The following PRKN variants were observed in gnomAD, a reference collection of about 807,000 sequenced individuals.
PRKN encodes E3 ubiquitin-protein ligase parkin.
Under a neutral mutation model 59.5 loss-of-function variants are expected in PRKN, and 56 were observed. That is an observed-to-expected ratio of 0.94 (90% CI 0.76 to 1.18). The LOEUF is 1.18. PRKN is among the 50% of genes most tolerant of loss of function. The pLI, the probability that PRKN is intolerant of heterozygous loss-of-function variation, is 0.00. For synonymous variants in PRKN, 250 were observed against 222.1 expected, an observed-to-expected ratio of 1.13 and a Z score of -1.12; for missense variants, 657 against 596.4, an observed-to-expected ratio of 1.10 and a Z score of -1.06.
At chr6:162,444,976 G>T (rs1477992783) in intron 1 of PRKN, among the ~76,000 whole-genome samples, 3 of 152,108 alleles carry the variant, frequency 2.0e-5, no homozygotes, top group African/African-American at 7.2e-5. Flanking sequence ...AGCTGTTTTT[G>T]ATATACATTT....
At chr6:161,574,283 A>C (rs566232144) in intron 7 of PRKN, among the ~76,000 whole-genome samples, 7 of 152,280 alleles carry the variant, frequency 4.6e-5, no homozygotes, top group Admixed American at 1.3e-4. Context: ...GTAGGGAGAC[A>C]GGAAAACGTT....
rs1179603234 is a variant in PRKN, at chr6:162,296,336, C to A, written c.172-33571G>T. On this transcript the variant is annotated intron_variant, in intron 2 of 11. Coordinates refer to ENST00000366898, the MANE Select transcript of PRKN (RefSeq NM_004562.3). The stretch of plus-strand genomic sequence containing the variant: ...CCACACTCTCCAGGAAGGGTATGAG[C>A]ACAGCCTCTACTGCAGGAGAGGATG... 3.3e-5 allele frequency among the ~76,000 whole-genome samples: 5 copies of A among 151,686 alleles called. No individual in the cohort carries two copies. The East Asian group carries it at 9.8e-4, about 30-fold the overall frequency.
chr6:161,609,041 T>G (rs890765868), intron 7 of PRKN, among the ~76,000 whole-genome samples: 39 of 152,284 alleles, frequency 2.6e-4, no homozygotes, highest in Admixed American at 2.2e-3. Context: ...TGCTCACTCC[T>G]TAACTAAGGG....
At chr6:162,353,075 T>A (rs935038672) in intron 2 of PRKN, among the ~76,000 whole-genome samples, 1 of 152,158 alleles carries the variant, frequency 6.6e-6, no homozygotes, top group Non-Finnish European at 1.5e-5. Context: ...CACACCAATG[T>A]CCACTGCAAA....
intron 9 of PRKN, among the ~76,000 whole-genome samples, chr6:161,389,781 C>T (rs530240189): frequency 2.6e-5 from 4 of 152,246 alleles, no homozygotes; most frequent in Admixed American, 6.5e-5. Flanking sequence ...AAGGGAAAAC[C>T]GTTCACATCT....
intron 5 of PRKN, among the ~76,000 whole-genome samples, chr6:162,013,999 G>GCAT (rs1782834431): frequency 6.6e-6 from 1 of 151,904 alleles, no homozygotes; most frequent in Non-Finnish European, 1.5e-5. Context: ...CATTAACAAG[G>GCAT]TTCCAAAGGT....
At chr6:162,450,288 G>A (rs908796233) in intron 1 of PRKN, among the ~76,000 whole-genome samples, 2 of 150,590 alleles carry the variant, frequency 1.3e-5, no homozygotes, top group African/African-American at 4.9e-5. Flanking sequence ...GCCCCTTTGA[G>A]TGTAACACCC....
rs1562473927 is a variant in PRKN at position 161,475,971 on chromosome 6, G to A, written c.1083+72883C>T. Among the ~76,000 whole-genome samples the A allele has an allele frequency of 6.6e-6, 1 of 152,056 alleles. No individual in the cohort carries two copies. Among genetic ancestry groups the A allele is most frequent in the Non-Finnish European group, 1.5e-5 (1 of 68,020 alleles). ...GGAGGCCAAGGTGGGCGGATCACGA[G>A]GTCAGGAGATGGAGACCATCCTGGT... On this transcript the variant is annotated intron_variant, in intron 9 of 11. Transcript: ENST00000366898. This position sits in a 1 kb window ranked among gnomAD's most constrained non-coding sequence, Gnocchi z 5.3.
intron 7 of PRKN, among the ~76,000 whole-genome samples, chr6:161,642,552 T>A: frequency 6.6e-6 from 1 of 152,040 alleles, no homozygotes; most frequent in East Asian, 1.9e-4. Flanking sequence ...CTTAACTGAG[T>A]TACTAGTCAA....
chr6:161,486,642 T>C lies in PRKN; in HGVS notation c.1083+62212A>G, dbSNP rs6901168. Among the ~76,000 whole-genome samples the C allele has an allele frequency of 4.7e-3, 722 of 152,280 alleles. 9 individuals are homozygous for C. The highest frequency in any genetic ancestry group is 0.017 in the African/African-American group (687 of 41,564). ...CTCTATTATTAAATTACTTAATTTATCAGAGCAAAAAGCAAAACCTTAGGG... is the reference window on the plus strand; with the variant it reads ...CTCTATTATTAAATTACTTAATTTACCAGAGCAAAAAGCAAAACCTTAGGG... On this transcript the variant is annotated intron_variant, in intron 9 of 11. Transcript: ENST00000366898.
At chr6:162,248,701 C>A (rs1481927487) in intron 3 of PRKN, among the ~76,000 whole-genome samples, 3 of 151,876 alleles carry the variant, frequency 2.0e-5, no homozygotes, top group African/African-American at 7.3e-5. Flanking sequence ...AGCACCTAAC[C>A]CAAGATCCAA....
intron 4 of PRKN, among the ~76,000 whole-genome samples, chr6:162,183,819 T>TA (rs1783905553): frequency 6.6e-6 from 1 of 152,102 alleles, no homozygotes; most frequent in African/African-American, 2.4e-5. Flanking sequence ...ATTTATGCAA[T>TA]AGCCAAGTAA....
At chr6:161,368,319 TTA>T (rs1166243241) in intron 10 of PRKN, among the ~76,000 whole-genome samples, 1 of 143,164 alleles carries the variant, frequency 7.0e-6, no homozygotes, top group East Asian at 2.0e-4. Flanking sequence ...GTATATATAT[TTA>T]TATATATTTG....
chr6:162,690,040 T>C (rs1314783503), intron 1 of PRKN, among the ~76,000 whole-genome samples: 1 of 152,194 alleles, frequency 6.6e-6, no homozygotes, highest in Non-Finnish European at 1.5e-5. Context: ...GTGGGTTAAA[T>C]AAGAGCATTG....
chr6:162,156,154 T>G (rs546659723), intron 4 of PRKN, among the ~76,000 whole-genome samples: 1 of 152,262 alleles, frequency 6.6e-6, no homozygotes, highest in African/African-American at 2.4e-5. Flanking sequence ...TCAAAACAAC[T>G]AACACAGCAA....
intron 7 of PRKN, among the ~76,000 whole-genome samples, chr6:161,681,424 G>C (rs1023007065): frequency 1.3e-5 from 2 of 150,320 alleles, no homozygotes; most frequent in African/African-American, 4.9e-5. Flanking sequence ...TTTTCCAATT[G>C]CAACTCTTTT....
chr6:162,137,806 A>T (rs1781610856), intron 4 of PRKN, among the ~76,000 whole-genome samples: 1 of 152,232 alleles, frequency 6.6e-6, no homozygotes, highest in African/African-American at 2.4e-5. Context: ...ATCGCCTCTT[A>T]AAGGTCCCAT....
At chr6:162,296,946 T>A (rs1207644772) in intron 2 of PRKN, among the ~76,000 whole-genome samples, 1 of 151,886 alleles carries the variant, frequency 6.6e-6, no homozygotes, top group African/African-American at 2.4e-5. Flanking sequence ...ATAAAGTACA[T>A]CTCCAGGCCT....
chr6:162,666,456 C>G (rs1325167547), intron 1 of PRKN, among the ~76,000 whole-genome samples: 2 of 152,072 alleles, frequency 1.3e-5, no homozygotes, highest in African/African-American at 4.8e-5. Flanking sequence ...AAACAAGTTA[C>G]AGGACTCAAA....
Sources: allele counts gnomAD v4.1 joint callset (sites outside exome capture counted in the v4.1 genomes callset), GRCh38; gene constraint gnomAD v4.1.1; non-coding constraint Gnocchi (gnomAD v3.1); transcripts MANE v1.5; gene names NCBI Gene and HGNC (gene_info 2026-07-23, HGNC 2026-07-21).